IFT140: variants seen among roughly 807,000 people sequenced by gnomAD.
IFT140 encodes intraflagellar transport 140, also known as intraflagellar transport protein 140 homolog.
In IFT140, 133 loss-of-function variants were observed where a neutral mutation model predicts 164.6. The observed-to-expected ratio is 0.81, with a 90% CI of 0.70 to 0.93. IFT140 has a LOEUF of 0.93. Among genes scored for constraint, IFT140 ranks in the 40% least tolerant of loss-of-function variants. IFT140 has a pLI of 0.00. For missense variants in IFT140, 2,045 were observed against 1,972.3 expected, an observed-to-expected ratio of 1.04 and a Z score of -0.70; for synonymous variants, 860 against 817.3, an observed-to-expected ratio of 1.05 and a Z score of -0.89.
chr16:1,561,853 G>A (rs1331444476), intron 18 of IFT140, 132 bp downstream of exon 18: 7 of 830,902 alleles, frequency 8.4e-6, no homozygotes, highest in Non-Finnish European at 1.1e-5. Flanking sequence ...GGCTGATGCT[G>A]TCTACGGAGA....
rs754625031 is a variant in IFT140 at position 1,520,020 on chromosome 16, C to T, written c.3901G>A (p.Asp1301Asn). ...QVEIDEYQNY[D>N]KAHGALTEAY... ...TCGGTCAGCGCCCCGTGGGCTTTGT[C>T]GTAGTTCTGGTATTCATCAATCTCC... is the stretch of plus-strand genomic sequence containing the variant. The change falls in exon 29 of 31, where the codon GAC (aspartate) becomes AAC (asparagine). Residue 1301 changes from aspartate to asparagine, a missense_variant. Physicochemically the swap from Asp to Asn is conservative, Grantham distance 23 (BLOSUM62 1). Transcript: ENST00000426508. 12 of 1,600,952 alleles carry T rather than the reference C, an allele frequency of 7.5e-6. No homozygotes were observed. The highest frequency in any genetic ancestry group is 6.7e-5 in the East Asian group (3 of 44,708).
rs2032877474 is a variant in IFT140 at position 1,553,861 on chromosome 16, GT to G, written c.2399+4073del. The G allele has an allele frequency of 8.1e-7, 1 of 1,240,184 alleles. No individual in the cohort carries two copies. The highest frequency in any genetic ancestry group is 2.6e-5 in the Admixed American group (1 of 37,998). The allele number at this position is 1,240,184 out of a possible 1,614,324, so 76.8% of individuals were successfully genotyped here. A position where few individuals can be genotyped will look rare whatever the true frequency, so the allele number is the denominator to read the frequency against. ...GCGGCCACAGTGTCCTGTTATCCTAGTTGGTAGACTCTAGTCACGAAACCCT... is the reference window on the plus strand; with the variant it reads ...GCGGCCACAGTGTCCTGTTATCCTAGTGGTAGACTCTAGTCACGAAACCCT... On this transcript the variant is annotated intron_variant, in intron 19 of 30. Transcript: ENST00000426508. This position sits in a 1 kb window ranked among gnomAD's most constrained non-coding sequence, Gnocchi z 4.4.
intron 19 of IFT140, among the ~76,000 whole-genome samples, chr16:1,557,057 T>TG (rs1376355876): frequency 6.6e-6 from 1 of 152,160 alleles, no homozygotes; most frequent in Non-Finnish European, 1.5e-5. Flanking sequence ...CGACCTCAGG[T>TG]GATCCACCCA....
chr16:1,599,794 C>G (rs1253810474), intron 4 of IFT140, among the ~76,000 whole-genome samples: 1 of 78,630 alleles, frequency 1.3e-5, no homozygotes, highest in Non-Finnish European at 2.3e-5. Flanking sequence ...TGTCAGCCCC[C>G]CGCCCGGCCA....
At chr16:1,526,546 C>T (rs2040703117) in intron 20 of IFT140, 73 bp downstream of exon 20, 3 of 1,394,644 alleles carry the variant, frequency 2.2e-6, no homozygotes, top group Non-Finnish European at 2.8e-6. Flanking sequence ...GGCGTGCCTC[C>T]TCCTTCCCCA....
At chr16:1,544,704 A>G (rs1207012341) in intron 19 of IFT140, among the ~76,000 whole-genome samples, 3 of 150,878 alleles carry the variant, frequency 2.0e-5, no homozygotes, top group South Asian at 2.1e-4. Context: ...GCTGGAGTGC[A>G]GTGGCGCGAT....
chr16:1,574,524 TC>T (rs2034177857), intron 13 of IFT140, among the ~76,000 whole-genome samples: 1 of 152,164 alleles, frequency 6.6e-6, no homozygotes, highest in South Asian at 2.1e-4. Flanking sequence ...AAAGCAATCC[TC>T]CCACCTGGGC....
At chr16:1,562,194 T>TAC in intron 17 of IFT140, 78 bp from the exon 18 acceptor site, 1 of 1,315,502 alleles carries the variant, frequency 7.6e-7, no homozygotes, top group Non-Finnish European at 1.0e-6. Flanking sequence ...GCCATTTTGC[T>TAC]ACACACACTG....
intron 19 of IFT140, chr16:1,557,700 T>C: frequency 1.8e-6 from 1 of 544,006 alleles, no homozygotes; most frequent in Non-Finnish European, 3.3e-6. Flanking sequence ...AACTTTCCAC[T>C]AGGAAGCAGC....
intron 25 of IFT140, 50 bp downstream of exon 25, chr16:1,523,778 C>G: frequency 6.2e-7 from 1 of 1,606,812 alleles, no homozygotes; most frequent in Non-Finnish European, 8.5e-7. Flanking sequence ...GGCAAGGGCC[C>G]CCTGGCTTGC....
At chr16:1,531,000 C>T (rs1236720984) in intron 19 of IFT140, 2 of 152,216 alleles carry the variant, frequency 1.3e-5, no homozygotes, top group Admixed American at 6.5e-5. Flanking sequence ...CCGCCAGAAG[C>T]GTCCAGACCC....
At chr16:1,569,895 A>T (rs7200291) in intron 14 of IFT140, among the ~76,000 whole-genome samples, 17,511 of 151,704 alleles carry the variant, frequency 0.12, 1,492 homozygotes, top group African/African-American at 0.24. Context: ...GAAAAAAAAA[A>T]AATAATAAAT....
chr16:1,547,267 G>A (rs1209340280), intron 19 of IFT140, among the ~76,000 whole-genome samples: 1 of 152,212 alleles, frequency 6.6e-6, no homozygotes, highest in Non-Finnish European at 1.5e-5. Flanking sequence ...GGATGGCACT[G>A]GTCCGTCCCG....
intron 5 of IFT140, 68 bp from the exon 6 acceptor site, chr16:1,592,386 C>T: frequency 6.2e-7 from 1 of 1,611,556 alleles, no homozygotes; most frequent in South Asian, 1.1e-5. Context: ...GCTGGGGCCC[C>T]TCCTGGGTCA....
At chr16:1,603,516 C>T (rs2035898454) in intron 3 of IFT140, among the ~76,000 whole-genome samples, 1 of 151,650 alleles carries the variant, frequency 6.6e-6, no homozygotes, top group Admixed American at 6.6e-5. Context: ...GATTCTCACT[C>T]TGTAGCCCAG....
intron 3 of IFT140, among the ~76,000 whole-genome samples, chr16:1,605,415 A>G (rs1280285205): frequency 6.6e-6 from 1 of 151,956 alleles, no homozygotes; most frequent in African/African-American, 2.4e-5. Context: ...TTATTTATTT[A>G]TATTTTTTGA....
chr16:1,600,978 A>T (rs573005664), intron 4 of IFT140, among the ~76,000 whole-genome samples: 4 of 152,196 alleles, frequency 2.6e-5, no homozygotes, highest in Admixed American at 2.6e-4. Context: ...ATTAAAAAAA[A>T]CTAGCCAGAC....
rs1314267143 is a variant in IFT140, at chr16:1,566,188, A to G, written c.1874T>C (p.Leu625Pro). ...KTGQIDRRET[L>P]SFNEQETNKS... ...ATTAGTCTCTTGCTCATTAAAGGAC[A>G]GCGTCTCTCTCCGATCAATTTGTCC... The change falls in exon 16 of 31, where the codon CTG becomes CCG. Residue 625 changes from leucine to proline, a missense_variant. Coordinates refer to ENST00000426508, the MANE Select transcript of IFT140 (RefSeq NM_014714.4). The G allele has an allele frequency of 6.2e-7, 1 of 1,613,930 alleles. No individual in the cohort carries two copies. Among genetic ancestry groups the G allele is most frequent in the East Asian group, 2.2e-5 (1 of 44,886 alleles).
At chr16:1,574,042 A>G (rs746317736) in intron 13 of IFT140, among the ~76,000 whole-genome samples, 11 of 152,128 alleles carry the variant, frequency 7.2e-5, no homozygotes, top group Non-Finnish European at 1.2e-4. Context: ...AACTAACCTG[A>G]TAAGCTGCCG....
Sources: gnomAD v4.1 joint callset for allele counts (sites outside exome capture counted in the v4.1 genomes callset) on GRCh38, gnomAD v4.1.1 for gene constraint, Gnocchi (gnomAD v3.1) non-coding constraint, MANE v1.5 for transcripts, NCBI Gene and HGNC (gene_info 2026-07-23, HGNC 2026-07-21) for gene names.